Variants in ARHGAP10 observed in about 807,000 individuals in gnomAD.
ARHGAP10 encodes the protein Rho GTPase activating protein 10, also known as rho GTPase-activating protein 10.
A neutral mutation model predicts 108.6 loss-of-function variants in ARHGAP10; 87 were observed. The observed-to-expected ratio is 0.80, with a 90% CI of 0.67 to 0.96. The LOEUF is 0.96. ARHGAP10 is among the 40% of genes least tolerant of loss of function. The pLI is 0.00. For synonymous variants in ARHGAP10, 347 were observed against 341.1 expected (o/e 1.02, Z -0.19); for missense variants, 939 against 954.5 (o/e 0.98, Z 0.21).
Position 147,888,415 on chromosome 4 carries a change from A to G in ARHGAP10, c.1034+6483A>G, listed in dbSNP as rs565596331. ...ATTGTTTTTTGAAAGTTTTCCAATA[A>G]GTCTTGGGAGTGGGAGTGGGGGTAG... On this transcript the variant is annotated intron_variant, in intron 10 of 22. Transcript: ENST00000336498. Among the ~76,000 whole-genome samples, 3 of 152,260 alleles carry G rather than the reference A, an allele frequency of 2.0e-5. No individual in the cohort carries two copies. In the South Asian group the frequency reaches 6.2e-4, roughly 32 times the overall value.
rs145435024 is a variant in ARHGAP10 at position 147,766,884 on chromosome 4, G to A, written c.154+34429G>A. Among the ~76,000 whole-genome samples the A allele has an allele frequency of 6.3e-3, 908 of 143,278 alleles. 4 individuals carry two copies. The highest frequency in any genetic ancestry group is 0.038 in the Middle Eastern group (10 of 266). The allele number at this position is 143,278 out of a possible 152,430, so 94.0% of individuals were successfully genotyped here. A position where few individuals can be genotyped will look rare whatever the true frequency, so the allele number is the denominator to read the frequency against. ...TTTTATGATGGAGTCTTGCTCTGTCGCCCAGGCTGGAGTGAGTGCAGTAGT... is the reference window on the plus strand; with the variant it reads ...TTTTATGATGGAGTCTTGCTCTGTCACCCAGGCTGGAGTGAGTGCAGTAGT... On this transcript the variant is annotated intron_variant, in intron 1 of 22. Transcript: ENST00000336498.
At chr4:148,007,221 G>A (rs12643170) in intron 18 of ARHGAP10, among the ~76,000 whole-genome samples, 74,959 of 151,756 alleles carry the variant, frequency 0.49, 20,292 homozygotes, top group East Asian at 0.62. Context: ...TATCTGACAC[G>A]CTTTTCTTTC....
chr4:147,985,219 G>C (rs926021746), intron 18 of ARHGAP10, among the ~76,000 whole-genome samples: 1 of 152,124 alleles, frequency 6.6e-6, no homozygotes, highest in Non-Finnish European at 1.5e-5. Flanking sequence ...TGCTCTGAAT[G>C]CCTGGAGATA....
rs1221366390 is a variant in ARHGAP10 at position 147,946,684 on chromosome 4, T to G, written c.1371T>G (p.Ser457Arg). Residue 457 changes from serine (S) to arginine (R), a missense_variant, in exon 15 of 23, where the codon AGT becomes AGG. Physicochemically the swap from Ser to Arg is moderately radical, Grantham distance 110 (BLOSUM62 -1). Coordinates refer to ENST00000336498, the MANE Select transcript of ARHGAP10 (RefSeq NM_024605.4). ...SADWEVKTIT[S>R]ALKQYLRSLP... ...ATTGGGAAGTGAAGACAATAACAAG[T>G]GCCTTGAAACAGTATTTGAGGTAAG... The G allele has an allele frequency of 6.8e-6, 11 of 1,611,352 alleles. No homozygotes were observed. Among genetic ancestry groups the G allele is most frequent in the Non-Finnish European group, 8.5e-6 (10 of 1,179,152 alleles).
intron 1 of ARHGAP10, among the ~76,000 whole-genome samples, chr4:147,774,679 A>C (rs1730215937): frequency 1.3e-5 from 2 of 152,186 alleles, no homozygotes; most frequent in Admixed American, 6.5e-5. Flanking sequence ...AGATAGTATA[A>C]AATTCAAATA....
intron 20 of ARHGAP10, among the ~76,000 whole-genome samples, chr4:148,061,248 C>A (rs1214467945): frequency 2.0e-5 from 3 of 152,100 alleles, no homozygotes; most frequent in African/African-American, 4.8e-5. Flanking sequence ...GGATGGCAGT[C>A]ATTGACGATT....
chr4:147,752,974 T>C (rs952418089), intron 1 of ARHGAP10, among the ~76,000 whole-genome samples: 5 of 152,260 alleles, frequency 3.3e-5, no homozygotes, highest in African/African-American at 9.6e-5. Context: ...GTATTCTCAA[T>C]GTATTTAATC....
chr4:147,746,343 C>A (rs1420272480), intron 1 of ARHGAP10, among the ~76,000 whole-genome samples: 1 of 150,772 alleles, frequency 6.6e-6, no homozygotes, highest in Admixed American at 6.6e-5. Flanking sequence ...ACCTTGTGAT[C>A]CGCCCGCCTT....
intron 10 of ARHGAP10, among the ~76,000 whole-genome samples, chr4:147,893,911 A>G (rs1735887417): frequency 6.6e-6 from 1 of 152,162 alleles, no homozygotes; most frequent in Non-Finnish European, 1.5e-5. Context: ...CCTAAAGATG[A>G]TACTGTTGAT....
intron 20 of ARHGAP10, 123 bp from the exon 21 acceptor site, chr4:148,063,025 G>T: frequency 8.2e-7 from 1 of 1,222,224 alleles, no homozygotes; most frequent in Non-Finnish European, 1.2e-6. Flanking sequence ...AGAGGACTCT[G>T]TCCCTACTGG....
At chr4:147,810,624 G>A (rs1485917988) in intron 1 of ARHGAP10, among the ~76,000 whole-genome samples, 1 of 152,228 alleles carries the variant, frequency 6.6e-6, no homozygotes, top group Non-Finnish European at 1.5e-5. Context: ...TGGGCCTGAA[G>A]TAACACAACT....
At chr4:147,897,748 C>T (rs1354440216) in intron 10 of ARHGAP10, among the ~76,000 whole-genome samples, 1 of 152,160 alleles carries the variant, frequency 6.6e-6, no homozygotes, top group Non-Finnish European at 1.5e-5. Context: ...AGTAATTATA[C>T]ATGACTACTT....
chr4:147,959,200 G>T (rs1026069210), intron 16 of ARHGAP10, among the ~76,000 whole-genome samples: 52 of 151,078 alleles, frequency 3.4e-4, no homozygotes, highest in African/African-American at 1.2e-3. Context: ...ACAAGATAGA[G>T]AAAAAAATGG....
chr4:147,909,387 G>A (rs58443426), intron 11 of ARHGAP10, among the ~76,000 whole-genome samples: 3,934 of 152,256 alleles, frequency 0.026, 171 homozygotes, highest in African/African-American at 0.09. Context: ...AGATTGGTGG[G>A]TAGGGCTGAA....
At chr4:148,033,588 A>G (rs986096503) in intron 19 of ARHGAP10, among the ~76,000 whole-genome samples, 2 of 152,242 alleles carry the variant, frequency 1.3e-5, no homozygotes, top group African/African-American at 2.4e-5. Context: ...CTTGTAATAC[A>G]TACATATAAA....
chr4:147,893,600 T>C (rs1735876576), intron 10 of ARHGAP10, among the ~76,000 whole-genome samples: 1 of 148,134 alleles, frequency 6.8e-6, no homozygotes, highest in African/African-American at 2.4e-5. Context: ...ATTTATATAA[T>C]CTATATATAG....
chr4:148,008,740 T>G (rs1425226709), intron 18 of ARHGAP10, among the ~76,000 whole-genome samples: 1 of 152,126 alleles, frequency 6.6e-6, no homozygotes, highest in Non-Finnish European at 1.5e-5. Context: ...ACCTGAGACC[T>G]TTTCAGGGTT....
At chr4:147,798,303 C>T (rs185071032) in intron 1 of ARHGAP10, among the ~76,000 whole-genome samples, 31 of 152,312 alleles carry the variant, frequency 2.0e-4, no homozygotes, top group Admixed American at 1.9e-3. Context: ...GTTACTTATA[C>T]AACACCTGCT....
At chr4:148,043,010 G>A (rs1365093612) in intron 19 of ARHGAP10, among the ~76,000 whole-genome samples, 1 of 152,124 alleles carries the variant, frequency 6.6e-6, no homozygotes, top group Non-Finnish European at 1.5e-5. Flanking sequence ...GCACTGCTTT[G>A]TGTTCTCTAA....
Sources: allele counts gnomAD v4.1 joint callset (sites outside exome capture counted in the v4.1 genomes callset), GRCh38; gene constraint gnomAD v4.1.1; transcripts MANE v1.5; gene names NCBI Gene and HGNC (gene_info 2026-07-23, HGNC 2026-07-21).